The following OPALIN variants were observed in gnomAD, a reference collection of about 807,000 sequenced individuals.
OPALIN encodes oligodendrocytic myelin paranodal and inner loop protein.
OPALIN carries 15 observed loss-of-function variants against 17.8 expected under a neutral mutation model. That is an observed-to-expected ratio of 0.84 (90% CI 0.56 to 1.29). The LOEUF is 1.29. Ranked by LOEUF, OPALIN falls within the 50% of genes most tolerant of loss-of-function variation. The pLI is 0.00. For synonymous variants in OPALIN, 62 were observed against 63.8 expected, an observed-to-expected ratio of 0.97 and a Z score of 0.14; for missense variants, 170 against 176.0, an observed-to-expected ratio of 0.97 and a Z score of 0.19.
rs191118273 is a variant in OPALIN at position 96,353,029 on chromosome 10, G to A, written c.40-1619C>T. 5.5e-3 allele frequency among the ~76,000 whole-genome samples: 834 copies of A among 152,312 alleles called. 6 individuals carry two copies. Among genetic ancestry groups the A allele is most frequent in the African/African-American group, 0.018 (760 of 41,552 alleles). ...TATTCTATACAACTGCCAGTGAATAGTAATGGGACTATGATGATCTCATTT... is the reference window on the plus strand; with the variant it reads ...TATTCTATACAACTGCCAGTGAATAATAATGGGACTATGATGATCTCATTT... On this transcript the variant is annotated intron_variant, in intron 2 of 5. Coordinates refer to ENST00000371172, the MANE Select transcript of OPALIN (RefSeq NM_033207.5).
At position 96,353,451 on chromosome 10, in the gene OPALIN, C is replaced by T. The variant is rs201943231; in HGVS notation, c.39+1804G>A. The T allele has an allele frequency of 2.0e-4, 330 of 1,612,064 alleles. 1 individual carries two copies. Among genetic ancestry groups the T allele is most frequent in the South Asian group, 7.5e-4 (68 of 90,980 alleles). ...CTTCCAGGCAGGATGACCTACCATCCGCATTGTCCAGAGAGCTGCCCAGGA... is the reference window on the plus strand; with the variant it reads ...CTTCCAGGCAGGATGACCTACCATCTGCATTGTCCAGAGAGCTGCCCAGGA... On this transcript the variant is annotated intron_variant, in intron 2 of 5. Transcript: ENST00000371172.
intron 3 of OPALIN, 38 bp downstream of exon 3, chr10:96,351,340 T>G: frequency 8.1e-7 from 1 of 1,232,552 alleles, no homozygotes; most frequent in South Asian, 1.3e-5. Flanking sequence ...GGAGCATTAT[T>G]ATTATCCCCA....
rs1354560404 is a variant in OPALIN, at chr10:96,345,468, C to G, written c.*473G>C. On this transcript the variant is annotated 3_prime_UTR_variant, in exon 6 of 6. Transcript: ENST00000371172. ...TGTGTGGCTCCACATGGTTCCTACC[C>G]TGAGATATTCAGAAACAATTAACTG... 6.4e-6 allele frequency: 1 copy of G among 155,216 alleles called. No individual in the cohort carries two copies. Among genetic ancestry groups the G allele is most frequent in the Non-Finnish European group, 1.4e-5 (1 of 70,070 alleles). 9.6% of individuals were successfully genotyped at this position (155,216 alleles called of 1,614,324 possible). A position where few individuals can be genotyped will look rare whatever the true frequency, so the allele number is the denominator to read the frequency against.
At chr10:96,357,922 C>G (rs2134038864) in intron 1 of OPALIN, among the ~76,000 whole-genome samples, 1 of 152,060 alleles carries the variant, frequency 6.6e-6, no homozygotes, top group East Asian at 1.9e-4. Flanking sequence ...GGCTGAACGT[C>G]CTTCATTATA....
chr10:96,358,837 G>GT (rs1362420735), intron 1 of OPALIN, 57 bp downstream of exon 1: 47 of 1,580,818 alleles, frequency 3.0e-5, no homozygotes, highest in African/African-American at 1.9e-4. Context: ...GAATTTGGAG[G>GT]TTTTTTATAG....
rs56995726 is a variant in OPALIN, at chr10:96,355,096, CAAAAAAAAAAAAAAAAAA to C, written c.39+141_39+158del. 5.1e-4 allele frequency among the ~76,000 whole-genome samples: 23 copies of C among 45,206 alleles called. 1 individual carries two copies. Among genetic ancestry groups the C allele is most frequent in the East Asian group, 5.0e-3 (6 of 1,210 alleles). The allele number at this position is 45,206 out of a possible 152,430, so 29.7% of individuals were successfully genotyped here. On this transcript the variant is annotated intron_variant, in intron 2 of 5. Transcript: ENST00000371172. ...TGGGTGACAGAGCAAGACCTTGTCT[CAAAAAAAAAAAAAAAAAA>C]AAAAAAAAAAAAAAAAAAAAAAGAA... is the stretch of plus-strand genomic sequence containing the variant.
In OPALIN at chr10:96,358,968, C is replaced by T. The variant is rs1845918430; in HGVS notation, c.-72G>A. The T allele has an allele frequency of 3.2e-6, 5 of 1,542,688 alleles. No individual in the cohort carries two copies. In the South Asian group the frequency reaches 3.4e-5, roughly 10 times the overall value. ...GCTCCTTTCTCACTGGCTTTATTGG[C>T]TTGTGTCTTTCATTTGTAGGAACAG... On this transcript the variant is annotated 5_prime_UTR_variant, in exon 1 of 6. Coordinates refer to ENST00000371172, the MANE Select transcript of OPALIN (RefSeq NM_033207.5).
Position 96,349,751 on chromosome 10 carries a change from A to G in OPALIN, c.148T>C (p.Phe50Leu). 1 of 1,614,074 alleles carries G rather than the reference A, an allele frequency of 6.2e-7. No individual in the cohort carries two copies. Among genetic ancestry groups the G allele is most frequent in the Non-Finnish European group, 8.5e-7 (1 of 1,179,944 alleles). Residue 50 changes from phenylalanine (F) to leucine (L), a missense_variant, in exon 4 of 6, where the codon TTT becomes CTT. Physicochemically the swap from Phe to Leu is conservative, Grantham distance 22 (BLOSUM62 0). Coordinates refer to ENST00000371172, the MANE Select transcript of OPALIN (RefSeq NM_033207.5). ...VATALLVALL[F>L]TLIHRRRSSI... ...CTTCTTCTTCGGTGAATCAAAGTAA[A>G]TAGTAAAGCCACCAGCAGGGCTGTG... is the stretch of plus-strand genomic sequence containing the variant.
chr10:96,346,222 T>G, intron 5 of OPALIN, 105 bp from the exon 6 acceptor site: 2 of 918,006 alleles, frequency 2.2e-6, no homozygotes, highest in Non-Finnish European at 3.4e-6. Flanking sequence ...ATAACCAAAA[T>G]CAGACACAAC....
At chr10:96,352,836 C>T (rs1364920569) in intron 2 of OPALIN, among the ~76,000 whole-genome samples, 2 of 152,210 alleles carry the variant, frequency 1.3e-5, no homozygotes, top group African/African-American at 2.4e-5. Context: ...TCCTTCGCTC[C>T]AGAGCAGCAC....
At chr10:96,350,332 C>T (rs1845527294) in intron 3 of OPALIN, among the ~76,000 whole-genome samples, 1 of 152,158 alleles carries the variant, frequency 6.6e-6, no homozygotes, top group Admixed American at 6.5e-5. Context: ...TCTTCTGCCT[C>T]AGCCTCCTGA....
intron 1 of OPALIN, among the ~76,000 whole-genome samples, chr10:96,357,640 A>G (rs545510106): frequency 6.6e-6 from 1 of 152,172 alleles, no homozygotes; most frequent in East Asian, 1.9e-4. Flanking sequence ...TGCCCACTTC[A>G]CAAGGGAATA....
chr10:96,354,953 C>T (rs1845743338), intron 2 of OPALIN, among the ~76,000 whole-genome samples: 1 of 151,580 alleles, frequency 6.6e-6, no homozygotes, highest in Admixed American at 6.6e-5. Flanking sequence ...AAAAATTAGC[C>T]GGATATGGTG....
chr10:96,358,449 C>T (rs1845898020), intron 1 of OPALIN, among the ~76,000 whole-genome samples: 1 of 152,106 alleles, frequency 6.6e-6, no homozygotes, highest in Non-Finnish European at 1.5e-5. Context: ...ATCACAGAAC[C>T]CTCTTGTTTT....
At position 96,355,241 on chromosome 10, in the gene OPALIN, G is replaced by A; in HGVS notation, c.39+14C>T. 6.2e-7 allele frequency: 1 copy of A among 1,613,074 alleles called. No individual in the cohort carries two copies. Among genetic ancestry groups the A allele is most frequent in the Non-Finnish European group, 8.5e-7 (1 of 1,179,426 alleles). On this transcript the variant is annotated intron_variant, in intron 2 of 5. Transcript: ENST00000371172. ...TCTCTGCGTTGCCTGGTGAATGGGG[G>A]CTGCTGTACTTACTGTGTTCGCCGG...
rs746961310 is a variant in OPALIN at position 96,346,072 on chromosome 10, G to C, written c.295C>G (p.Gln99Glu). The change falls in exon 6 of 6, where the codon CAA (glutamine) becomes GAA (glutamate). Residue 99 changes from glutamine (Q) to glutamate (E), a missense_variant. Gln to Glu is a conservative substitution (Grantham distance 29). Transcript: ENST00000371172. ...GTCTTCACATATATGTGGGCCTCTT[G>C]TGCTCCCATCGTATTCTTCTCATGT... is the stretch of plus-strand genomic sequence containing the variant. ...PTHEKNTMGA[Q>E]EAHIYVKTVA... The C allele has an allele frequency of 1.2e-6, 2 of 1,614,076 alleles. No homozygotes were observed. The highest frequency in any genetic ancestry group is 8.5e-7 in the Non-Finnish European group (1 of 1,179,964).
intron 5 of OPALIN, among the ~76,000 whole-genome samples, chr10:96,347,663 G>A (rs1845394224): frequency 2.0e-5 from 3 of 151,594 alleles, no homozygotes; most frequent in Admixed American, 2.0e-4. Flanking sequence ...AGTAGACACA[G>A]GGTTTCACCA....
chr10:96,355,156 C>T, intron 2 of OPALIN, 99 bp downstream of exon 2: 1 of 411,868 alleles, frequency 2.4e-6, no homozygotes, highest in Non-Finnish European at 4.9e-6. Context: ...TGTAACTTAT[C>T]ACCGTGTGTG....
In OPALIN at chr10:96,346,564, G is replaced by T. The variant is rs551945467; in HGVS notation, c.250-447C>A. Among the ~76,000 whole-genome samples, 62 of 152,240 alleles carry T rather than the reference G, an allele frequency of 4.1e-4. 1 individual carries two copies. Among genetic ancestry groups the T allele is most frequent in the African/African-American group, 1.3e-3 (54 of 41,526 alleles). ...TTAATGTGATCATTGATATGGTTGG[G>T]TTTAAATCTACCATCTTGCTATTTG... On this transcript the variant is annotated intron_variant, in intron 5 of 5. Transcript: ENST00000371172.
Sources: gnomAD v4.1 joint callset for allele counts (sites outside exome capture counted in the v4.1 genomes callset) on GRCh38, gnomAD v4.1.1 for gene constraint, MANE v1.5 for transcripts, NCBI Gene and HGNC (gene_info 2026-07-23, HGNC 2026-07-21) for gene names.